The following SNTA1 variants were observed in gnomAD, a reference collection of about 807,000 sequenced individuals.
SNTA1 encodes the protein alpha-1-syntrophin.
SNTA1 carries 31 observed loss-of-function variants against 47.1 expected under a neutral mutation model. The ratio of observed to expected loss-of-function variants is 0.66; its 90% CI spans 0.49 to 0.89. The LOEUF (loss-of-function observed/expected upper bound fraction) is 0.89. Ranked by LOEUF, SNTA1 falls within the 40% of genes least tolerant of loss-of-function variation. SNTA1 has a pLI of 0.00. For synonymous variants in SNTA1, 300 were observed against 313.6 expected (o/e 0.96, Z 0.46); for missense variants, 575 against 693.0 (o/e 0.83, Z 1.91).
intron 2 of SNTA1, among the ~76,000 whole-genome samples, chr20:33,429,864 A>C (rs1420079701): frequency 1.3e-5 from 2 of 152,070 alleles, no homozygotes; most frequent in African/African-American, 4.8e-5. Context: ...CCAGGCTCAA[A>C]TGATCCTTCA....
chr20:33,412,167 G>C (rs2146761573), intron 5 of SNTA1, 129 bp downstream of exon 5: 2 of 1,026,962 alleles, frequency 1.9e-6, no homozygotes, highest in East Asian at 5.2e-5. Context: ...AGACAGGGCA[G>C]AGACTTGCTT....
At chr20:33,416,322 T>C (rs1989873884) in intron 3 of SNTA1, among the ~76,000 whole-genome samples, 1 of 152,196 alleles carries the variant, frequency 6.6e-6, no homozygotes, top group Non-Finnish European at 1.5e-5. Context: ...TTGTAATGCA[T>C]ATAGCAGTTA....
chr20:33,434,174 A>G lies in SNTA1; in HGVS notation c.496+4667T>C, dbSNP rs1600859663. Among the ~76,000 whole-genome samples the G allele has an allele frequency of 2.0e-5, 3 of 152,076 alleles. No homozygotes were observed. In the South Asian group the frequency reaches 6.2e-4, roughly 32 times the overall value. ...CCTAGGCCCAGAGAGGGTCCCAGGA[A>G]CCCTGGCTGCTCCAGACTGGTGCAA... On this transcript the variant is annotated intron_variant, in intron 2 of 7. Coordinates refer to ENST00000217381, the MANE Select transcript of SNTA1 (RefSeq NM_003098.3).
chr20:33,427,228 A>G (rs1990190652), intron 2 of SNTA1, among the ~76,000 whole-genome samples: 1 of 152,120 alleles, frequency 6.6e-6, no homozygotes, highest in Non-Finnish European at 1.5e-5. Flanking sequence ...GGGGATAGGC[A>G]TGTAATGTGG....
intron 2 of SNTA1, among the ~76,000 whole-genome samples, chr20:33,427,270 C>T (rs887476020): frequency 7.2e-5 from 11 of 151,978 alleles, no homozygotes; most frequent in Non-Finnish European, 1.5e-4. Context: ...AATCCAGGCC[C>T]CGTAATATCA....
chr20:33,432,716 G>A (rs1286479300), intron 2 of SNTA1, among the ~76,000 whole-genome samples: 1 of 152,036 alleles, frequency 6.6e-6, no homozygotes, highest in Admixed American at 6.6e-5. Context: ...TTTTTAATTA[G>A]GCAGGTGTGG....
chr20:33,420,497 T>C (rs1249386177), intron 2 of SNTA1, among the ~76,000 whole-genome samples: 1 of 152,180 alleles, frequency 6.6e-6, no homozygotes, highest in Non-Finnish European at 1.5e-5. Flanking sequence ...CACGTCCTGC[T>C]CAAAGCCCTG....
intron 5 of SNTA1, among the ~76,000 whole-genome samples, chr20:33,410,844 C>A (rs1249122836): frequency 6.6e-6 from 1 of 152,166 alleles, no homozygotes; most frequent in Non-Finnish European, 1.5e-5. Flanking sequence ...ATCTTGTGTT[C>A]ACCACTGTAT....
chr20:33,410,037 C>G, intron 6 of SNTA1, 98 bp downstream of exon 6: 1 of 1,292,436 alleles, frequency 7.7e-7, no homozygotes, highest in Non-Finnish European at 1.1e-6. Flanking sequence ...ACCCCATTTT[C>G]TATCCCCTCC....
chr20:33,416,273 C>T (rs1344817350), intron 3 of SNTA1, among the ~76,000 whole-genome samples: 1 of 152,184 alleles, frequency 6.6e-6, no homozygotes, highest in Non-Finnish European at 1.5e-5. Context: ...ATTTGCTTGG[C>T]ATTGAACCTA....
At chr20:33,416,233 G>A (rs946909844) in intron 3 of SNTA1, among the ~76,000 whole-genome samples, 2 of 152,232 alleles carry the variant, frequency 1.3e-5, no homozygotes. Context: ...GATGCTGGAC[G>A]TTAACCAGCC....
intron 1 of SNTA1, among the ~76,000 whole-genome samples, chr20:33,440,018 G>A (rs910971152): frequency 3.3e-5 from 5 of 152,142 alleles, no homozygotes; most frequent in African/African-American, 9.7e-5. Flanking sequence ...CCAGCTACTC[G>A]GGAGGCTGAG....
At chr20:33,424,261 C>A (rs1446443345) in intron 2 of SNTA1, among the ~76,000 whole-genome samples, 1 of 150,646 alleles carries the variant, frequency 6.6e-6, no homozygotes, top group African/African-American at 2.4e-5. Context: ...TTGCAGTGAG[C>A]CAAGATTGTA....
At chr20:33,441,563 C>T (rs1342115578) in intron 1 of SNTA1, among the ~76,000 whole-genome samples, 1 of 152,120 alleles carries the variant, frequency 6.6e-6, no homozygotes, top group Non-Finnish European at 1.5e-5. Flanking sequence ...CCCTCCCCCA[C>T]CTGAAACTAG....
In SNTA1 at chr20:33,408,492, T is replaced by A. The variant is rs1391084675; in HGVS notation, c.*15A>T. 2 of 1,590,804 alleles carry A rather than the reference T, an allele frequency of 1.3e-6. No individual in the cohort carries two copies. The highest frequency in any genetic ancestry group is 1.7e-6 in the Non-Finnish European group (2 of 1,158,780). On this transcript the variant is annotated 3_prime_UTR_variant, in exon 8 of 8. Transcript: ENST00000217381. ...CATGGACACCCCTCTTCAGGGCTAG[T>A]GCATCCGGCGACTTCTAGGCCAACA... is the stretch of plus-strand genomic sequence containing the variant.
rs149736765 is a variant in SNTA1, at chr20:33,426,733, G to A, written c.497-8810C>T. 1.6e-4 allele frequency among the ~76,000 whole-genome samples: 24 copies of A among 152,116 alleles called. No individual in the cohort carries two copies. In the East Asian group the frequency reaches 4.6e-3, roughly 29 times the overall value. ...GCCAAGATCGTGACATTGCACTCCA[G>A]CCTGGGTGACAGACATCTCAAACAA... On this transcript the variant is annotated intron_variant, in intron 2 of 7. Transcript: ENST00000217381.
At chr20:33,409,753 C>T (rs1989691847) in intron 6 of SNTA1, among the ~76,000 whole-genome samples, 1 of 152,118 alleles carries the variant, frequency 6.6e-6, no homozygotes, top group Non-Finnish European at 1.5e-5. Flanking sequence ...GCCTCAGCCT[C>T]CCGAGTAGCT....
chr20:33,419,415 C>T (rs1387238087), intron 2 of SNTA1, among the ~76,000 whole-genome samples: 1 of 152,162 alleles, frequency 6.6e-6, no homozygotes, highest in Non-Finnish European at 1.5e-5. Context: ...AGATAGGATT[C>T]AAAGCAAATG....
rs2146753343 is a variant in SNTA1, at chr20:33,408,287, C to G, written c.*220G>C. 1 of 594,858 alleles carries G rather than the reference C, an allele frequency of 1.7e-6. No homozygotes were observed. Among genetic ancestry groups the G allele is most frequent in the African/African-American group, 1.8e-5 (1 of 54,226 alleles). 36.8% of individuals were successfully genotyped at this position (594,858 alleles called of 1,614,324 possible). A position where few individuals can be genotyped will look rare whatever the true frequency, so the allele number is the denominator to read the frequency against. ...TGCAAAAGGCACTGGTGGAGGGGGG[C>G]AGCAGGAAGGCCACCCCATCACAGG... On this transcript the variant is annotated 3_prime_UTR_variant, in exon 8 of 8. Transcript: ENST00000217381.
Sources: gnomAD v4.1 joint callset for allele counts (sites outside exome capture counted in the v4.1 genomes callset) on GRCh38, gnomAD v4.1.1 for gene constraint, MANE v1.5 for transcripts, NCBI Gene and HGNC (gene_info 2026-07-23, HGNC 2026-07-21) for gene names.